Variants in KDM4C observed in about 807,000 individuals in gnomAD.
KDM4C encodes lysine-specific demethylase 4C.
KDM4C carries 81 observed loss-of-function variants against 129.3 expected under a neutral mutation model. The ratio of observed to expected loss-of-function variants is 0.63; its 90% confidence interval spans 0.52 to 0.75. The LOEUF (loss-of-function observed/expected upper bound fraction) is 0.75, where lower values mean the gene tolerates loss of function less well. KDM4C is among the 30% of genes least tolerant of loss of function. KDM4C has a pLI of 0.00. For missense variants in KDM4C, 1,457 were observed against 1,304.0 expected (o/e 1.12, Z -1.81); for synonymous variants, 573 against 456.1 (o/e 1.26, Z -3.26).
Position 6,728,203 on chromosome 9 carries a change from G to T in KDM4C, c.49+7206G>T, listed in dbSNP as rs908971878. 4.6e-5 allele frequency among the ~76,000 whole-genome samples: 7 copies of T among 152,148 alleles called. No individual in the cohort carries two copies. The East Asian group carries it at 1.3e-3, about 29-fold the overall frequency. On this transcript the variant is annotated intron_variant, in intron 1 of 17. Coordinates refer to the KDM4C transcript ENST00000536108. ...CATAAATAATTGCTTCTTGCCATTG[G>T]TGGGTGGGTTCGTATTTAAATTCTC...
intron 15 of KDM4C, among the ~76,000 whole-genome samples, chr9:7,033,843 G>A (rs1827188197): frequency 1.3e-5 from 2 of 152,138 alleles, no homozygotes; most frequent in South Asian, 4.1e-4. Context: ...CTAACATACT[G>A]TACTACACAC....
chr9:6,807,908 A>C (rs188843842), intron 3 of KDM4C, among the ~76,000 whole-genome samples: 40,728 of 100,016 alleles, frequency 0.41, 7,161 homozygotes, highest in African/African-American at 0.56. Context: ...GTCAGCCCCC[A>C]GCCCGGCCAG....
chr9:7,091,503 A>G (rs1564105373), intron 17 of KDM4C, among the ~76,000 whole-genome samples: 2 of 152,154 alleles, frequency 1.3e-5, no homozygotes, highest in Non-Finnish European at 1.5e-5. Flanking sequence ...TAAGAAATAT[A>G]TTTGGGCACA....
intron 8 of KDM4C, among the ~76,000 whole-genome samples, chr9:6,955,437 C>T (rs780206977): frequency 1.4e-4 from 22 of 152,172 alleles, no homozygotes; most frequent in Non-Finnish European, 3.1e-4. Flanking sequence ...ATGACTCAGG[C>T]CCTGCAGAGC....
intron 18 of KDM4C, among the ~76,000 whole-genome samples, chr9:7,122,036 T>A (rs556410236): frequency 1.4e-4 from 21 of 152,250 alleles, no homozygotes; most frequent in South Asian, 6.2e-4. Flanking sequence ...GTTGTGTTAG[T>A]CTATTTTCGC....
chr9:6,834,877 C>T (rs1406437863), intron 4 of KDM4C: 6 of 1,310,896 alleles, frequency 4.6e-6, no homozygotes, highest in African/African-American at 2.9e-5. Flanking sequence ...CCGTGCTGTC[C>T]CTGTACTTCT....
At chr9:6,864,743 C>T (rs1841612071) in intron 5 of KDM4C, among the ~76,000 whole-genome samples, 1 of 151,500 alleles carries the variant, frequency 6.6e-6, no homozygotes, top group Admixed American at 6.6e-5. Context: ...TGCTCAGTTC[C>T]CCCTTGAACA....
intron 8 of KDM4C, among the ~76,000 whole-genome samples, chr9:6,922,914 A>C (rs1821800138): frequency 6.6e-6 from 1 of 152,252 alleles, no homozygotes. Flanking sequence ...CGTTAGCTAC[A>C]GAAATGGATG....
At chr9:7,053,799 C>T (rs2132609360) in intron 17 of KDM4C, among the ~76,000 whole-genome samples, 1 of 152,264 alleles carries the variant, frequency 6.6e-6, no homozygotes, top group East Asian at 1.9e-4. Flanking sequence ...TAAAAAAATG[C>T]TACAGGTTGC....
chr9:7,138,579 C>G (rs1251013505), intron 19 of KDM4C, among the ~76,000 whole-genome samples: 1 of 151,918 alleles, frequency 6.6e-6, no homozygotes, highest in Non-Finnish European at 1.5e-5. Flanking sequence ...CTTTGGGGCA[C>G]CAAAGCAGGA....
At chr9:7,138,395 A>T (rs908864788) in intron 19 of KDM4C, among the ~76,000 whole-genome samples, 9 of 152,246 alleles carry the variant, frequency 5.9e-5, no homozygotes, top group African/African-American at 1.9e-4. Context: ...TTATATTTGT[A>T]TAATGTTTAA....
chr9:6,894,220 GATAAA>G (rs2130908690), intron 8 of KDM4C, among the ~76,000 whole-genome samples: 1 of 152,280 alleles, frequency 6.6e-6, no homozygotes, highest in East Asian at 1.9e-4. Flanking sequence ...TATATTAAAA[GATAAA>G]TAAAATATAG....
intron 19 of KDM4C, among the ~76,000 whole-genome samples, chr9:7,136,676 G>A (rs980664298): frequency 5.9e-5 from 9 of 152,122 alleles, no homozygotes; most frequent in Non-Finnish European, 1.2e-4. Context: ...ATTTTATTGA[G>A]TTTTCTTATA....
intron 1 of KDM4C, among the ~76,000 whole-genome samples, chr9:6,760,601 C>T (rs1819261135): frequency 6.6e-6 from 1 of 151,490 alleles, no homozygotes. Context: ...GACGAAGTCT[C>T]ACTCTGTTGC....
At chr9:7,031,628 G>A (rs988145654) in intron 15 of KDM4C, among the ~76,000 whole-genome samples, 2 of 152,074 alleles carry the variant, frequency 1.3e-5, no homozygotes, top group African/African-American at 4.8e-5. Flanking sequence ...TACACACACA[G>A]ATACATATAT....
intron 19 of KDM4C, among the ~76,000 whole-genome samples, chr9:7,130,849 C>G (rs10976059): frequency 0.19 from 29,001 of 151,786 alleles, 2,836 homozygotes; most frequent in East Asian, 0.27. Flanking sequence ...GCCTTGTGCT[C>G]CTGGGCTCCG....
intron 20 of KDM4C, among the ~76,000 whole-genome samples, chr9:7,167,306 C>T (rs1230607498): frequency 6.6e-6 from 1 of 152,184 alleles, no homozygotes; most frequent in African/African-American, 2.4e-5. Flanking sequence ...AAAATAACTA[C>T]ATCCCAAGGG....
chr9:7,105,495 G>A (rs749268276), intron 18 of KDM4C: 1 of 470,340 alleles, frequency 2.1e-6, no homozygotes, highest in South Asian at 1.6e-5. Flanking sequence ...ATGTGAACTG[G>A]GCCACGTGAG....
At chr9:6,947,205 C>T (rs904251625) in intron 8 of KDM4C, among the ~76,000 whole-genome samples, 1 of 152,110 alleles carries the variant, frequency 6.6e-6, no homozygotes, top group African/African-American at 2.4e-5. Context: ...TACAACCGTA[C>T]TTCTGTTCTG....
Sources: gnomAD v4.1 joint callset for allele counts (sites outside exome capture counted in the v4.1 genomes callset) on GRCh38, gnomAD v4.1.1 for gene constraint, MANE v1.5 for transcripts, NCBI Gene and HGNC (gene_info 2026-07-23, HGNC 2026-07-21) for gene names.